Variants in FBN2 observed in about 807,000 individuals in gnomAD.
FBN2 encodes fibrillin 2.
FBN2 carries 105 observed loss-of-function variants against 355.6 expected under a neutral mutation model. The ratio of observed to expected loss-of-function variants is 0.30; its 90% confidence interval spans 0.25 to 0.35. The LOEUF (loss-of-function observed/expected upper bound fraction) is 0.35. FBN2 is among the 10% of genes least tolerant of loss of function. FBN2 has a pLI of 1.00. For missense variants in FBN2, 3,280 were observed against 3,758.7 expected, an observed-to-expected ratio of 0.87 and a Z score of 3.33; for synonymous variants, 1,350 against 1,301.2, an observed-to-expected ratio of 1.04 and a Z score of -0.81.
Position 128,408,757 on chromosome 5 carries a change from C to A in FBN2, c.995G>T (p.Gly332Val). 6.2e-7 allele frequency: 1 copy of A among 1,613,950 alleles called. No homozygotes were observed. The highest frequency in any genetic ancestry group is 8.5e-7 in the Non-Finnish European group (1 of 1,179,858). Residue 332 changes from glycine to valine, a missense_variant, in exon 8 of 65, where the codon GGT becomes GTT. Around this residue, in one of 6 missense-constraint regions of FBN2, gnomAD observed 343 missense variants for 331.0 expected, o/e 1.04. Transcript: ENST00000262464. ...GCTTCCCACGGTGTTGGAACATTCA[C>A]CAGTTTCACATATCCCAGGAATGAT... ...CSIIPGICETGECSNTVGSYF... is the reference protein window; with the variant it reads ...CSIIPGICETVECSNTVGSYF...
intron 5 of FBN2, among the ~76,000 whole-genome samples, chr5:128,479,565 T>C (rs1352032135): frequency 6.6e-6 from 1 of 152,114 alleles, no homozygotes; most frequent in Non-Finnish European, 1.5e-5. Flanking sequence ...TGCCTAAGAC[T>C]ACAAATCTAA....
chr5:128,345,641 C>CACAT, intron 23 of FBN2, 57 bp from the exon 24 acceptor site: 1 of 1,484,652 alleles, frequency 6.7e-7, no homozygotes, highest in Non-Finnish European at 9.4e-7. Context: ...ATTGAACAGT[C>CACAT]ACATGTCAAG....
At chr5:128,296,744 C>G (rs1463548218) in intron 48 of FBN2, among the ~76,000 whole-genome samples, 3 of 152,102 alleles carry the variant, frequency 2.0e-5, no homozygotes, top group Non-Finnish European at 2.9e-5. Context: ...CTTTATTAGT[C>G]TTGCTAGTGG....
At chr5:128,522,192 C>T (rs959558682) in intron 4 of FBN2, among the ~76,000 whole-genome samples, 1 of 152,190 alleles carries the variant, frequency 6.6e-6, no homozygotes, top group African/African-American at 2.4e-5. Flanking sequence ...ATTTCTGTCT[C>T]TCATGTGAGA....
At chr5:128,516,494 T>C (rs904755126) in intron 5 of FBN2, among the ~76,000 whole-genome samples, 2 of 151,974 alleles carry the variant, frequency 1.3e-5, no homozygotes, top group African/African-American at 4.8e-5. Flanking sequence ...ACCATAATCA[T>C]GCCAGCCATT....
At chr5:128,310,395 TATATA>T (rs1160658048) in intron 39 of FBN2, among the ~76,000 whole-genome samples, 5 of 5,582 alleles carry the variant, frequency 9.0e-4, no homozygotes, top group South Asian at 7.5e-3. Flanking sequence ...TATATATATA[TATATA>T]TATTTTTTTT....
Position 128,494,072 on chromosome 5 carries a change from C to A in FBN2, c.628+25201G>T, listed in dbSNP as rs116468119. Among the ~76,000 whole-genome samples, 664 of 152,222 alleles carry A rather than the reference C, an allele frequency of 4.4e-3. 9 individuals carry two copies. The highest frequency in any genetic ancestry group is 0.015 in the African/African-American group (640 of 41,522). ...TCTGTGACTCAGTTTAAGCTGGAGA[C>A]ACAGATATTTCAGAGGAGAGGCAAG... On this transcript the variant is annotated intron_variant, in intron 5 of 64. Coordinates refer to ENST00000262464, the MANE Select transcript of FBN2 (RefSeq NM_001999.4).
In FBN2 at chr5:128,289,202, T is replaced by C. The variant is rs1411793629; in HGVS notation, c.6562A>G (p.Ile2188Val). The C allele has an allele frequency of 6.2e-7, 1 of 1,613,554 alleles. No individual in the cohort carries two copies. The highest frequency in any genetic ancestry group is 1.7e-5 in the Admixed American group (1 of 60,022). The change falls in exon 52 of 65, where the codon ATC (isoleucine) becomes GTC (valine). Residue 2188 changes from isoleucine to valine, a missense_variant. Coordinates refer to ENST00000262464, the MANE Select transcript of FBN2 (RefSeq NM_001999.4). ...CAGCGAAAAGATCCGTCGGTGTTGA[T>C]ACATTGACCATTTGAACAAATGCCT... ...SPGICSNGQCINTDGSFRCEC... is the reference protein window; with the variant it reads ...SPGICSNGQCVNTDGSFRCEC...
chr5:128,528,053 T>A, intron 3 of FBN2, 86 bp from the exon 4 acceptor site: 1 of 837,130 alleles, frequency 1.2e-6, no homozygotes, highest in Non-Finnish European at 2.0e-6. Context: ...ATAAACTCAA[T>A]TATCCAATTC....
At chr5:128,471,779 T>G (rs147749574) in intron 5 of FBN2, among the ~76,000 whole-genome samples, 1 of 152,324 alleles carries the variant, frequency 6.6e-6, no homozygotes, top group African/African-American at 2.4e-5. Flanking sequence ...ATTGGATCAT[T>G]TAAGCTTCAG....
At chr5:128,287,539 T>C (rs1749189692) in intron 53 of FBN2, 109 bp from the exon 54 acceptor site, 1 of 1,204,084 alleles carries the variant, frequency 8.3e-7, no homozygotes, top group Non-Finnish European at 1.2e-6. Flanking sequence ...AATAGAATAG[T>C]AGAACTTACA....
rs1470064554 is a variant in FBN2 at position 128,287,428 on chromosome 5, T to C, written c.6760A>G (p.Ile2254Val). The C allele has an allele frequency of 5.0e-6, 8 of 1,613,888 alleles. No homozygotes were observed. Among genetic ancestry groups the C allele is most frequent in the East Asian group, 2.2e-5 (1 of 44,858 alleles). The change falls in exon 54 of 65, where the codon ATC (isoleucine) becomes GTC (valine). Residue 2254 changes from isoleucine to valine, a missense_variant and splice_region_variant. Coordinates refer to ENST00000262464, the MANE Select transcript of FBN2 (RefSeq NM_001999.4). ...EPGPMMNCED[I>V]NECAQNPLLC... ...AGTGGGTTCTGGGCACATTCGTTGA[T>C]ATCTGACCAAAGGAATGGACAGGAA...
chr5:128,270,235 C>G (rs1004430323), intron 62 of FBN2, among the ~76,000 whole-genome samples: 2 of 152,144 alleles, frequency 1.3e-5, no homozygotes, highest in South Asian at 4.1e-4. Flanking sequence ...CCATAAAAAA[C>G]CCTAGAAGAG....
chr5:128,503,257 C>T (rs180883918), intron 5 of FBN2, among the ~76,000 whole-genome samples: 1 of 152,300 alleles, frequency 6.6e-6, no homozygotes, highest in East Asian at 1.9e-4. Context: ...TGTGAGTCAA[C>T]TAAACCTTTT....
In FBN2 at chr5:128,330,555, C is replaced by G. The variant is rs956969297; in HGVS notation, c.4345+18G>C. On this transcript the variant is annotated intron_variant, in intron 33 of 64. Coordinates refer to ENST00000262464, the MANE Select transcript of FBN2 (RefSeq NM_001999.4). ...CTATGACCATCCCGTCAGAGCACAC[C>G]TCAGGACTGTCACCCACCTGAGCAG... The G allele has an allele frequency of 2.5e-6, 4 of 1,613,794 alleles. No homozygotes were observed. In the African/African-American group the frequency reaches 4.0e-5, roughly 16 times the overall value.
intron 13 of FBN2, among the ~76,000 whole-genome samples, 171 bp downstream of exon 13, chr5:128,377,581 A>C (rs1309806314): frequency 6.6e-6 from 1 of 151,682 alleles, no homozygotes; most frequent in East Asian, 1.9e-4. Flanking sequence ...CAAACAAAAA[A>C]CCTGTCCTTT....
At chr5:128,513,803 CCT>C (rs1278295161) in intron 5 of FBN2, among the ~76,000 whole-genome samples, 1 of 152,076 alleles carries the variant, frequency 6.6e-6, no homozygotes, top group Admixed American at 6.6e-5. Flanking sequence ...TTCTCCTTCC[CCT>C]CTTTTTCTTC....
intron 36 of FBN2, among the ~76,000 whole-genome samples, chr5:128,313,200 C>A (rs1360627399): frequency 6.6e-6 from 1 of 152,058 alleles, no homozygotes; most frequent in African/African-American, 2.4e-5. Flanking sequence ...GAAAAGATAG[C>A]CTGCAACAAA....
At chr5:128,332,780 A>C in intron 32 of FBN2, 132 bp downstream of exon 32, 1 of 918,902 alleles carries the variant, frequency 1.1e-6, no homozygotes, top group Non-Finnish European at 1.8e-6. Context: ...TTAGGCAGGA[A>C]TTATCTTGCA....
Sources: gnomAD v4.1 joint callset for allele counts (sites outside exome capture counted in the v4.1 genomes callset) on GRCh38, gnomAD v4.1.1 for gene constraint, gnomAD v4.1.1 regional missense constraint, MANE v1.5 for transcripts, NCBI Gene and HGNC (gene_info 2026-07-23, HGNC 2026-07-21) for gene names.